The following ATP8B1 variants were observed in gnomAD, a reference collection of about 807,000 sequenced individuals.
The protein encoded by ATP8B1 is ATPase phospholipid transporting 8B1, also known as phospholipid-transporting ATPase IC.
ATP8B1 carries 80 observed loss-of-function variants against 149.9 expected under a neutral mutation model. That is an observed-to-expected ratio of 0.53 (90% CI 0.45 to 0.64). The LOEUF (loss-of-function observed/expected upper bound fraction) is 0.64, where lower values mean the gene tolerates loss of function less well. ATP8B1 is among the 30% of genes least tolerant of loss of function. The probability of loss-of-function intolerance (pLI) is 0.00; values close to 1 mark genes in which losing one functional copy is unlikely to be tolerated. For synonymous variants in ATP8B1, 536 were observed against 562.8 expected (o/e 0.95, Z 0.67); for missense variants, 1,247 against 1,552.6 (o/e 0.80, Z 3.31).
intron 15 of ATP8B1, among the ~76,000 whole-genome samples, chr18:57,682,562 G>A (rs1170035523): frequency 6.6e-6 from 1 of 152,182 alleles, no homozygotes; most frequent in Non-Finnish European, 1.5e-5. Flanking sequence ...AAACCAAAGA[G>A]AACCAGGTGA....
chr18:57,771,445 C>T (rs2080262187), intron 1 of ATP8B1, among the ~76,000 whole-genome samples: 1 of 151,780 alleles, frequency 6.6e-6, no homozygotes, highest in South Asian at 2.1e-4. Context: ...CACTTACTTC[C>T]TGATCCTTCA....
At chr18:57,655,148 T>G (rs779923799) in intron 23 of ATP8B1, 46 bp downstream of exon 23, 5 of 1,515,476 alleles carry the variant, frequency 3.3e-6, no homozygotes, top group Non-Finnish European at 3.7e-6. Flanking sequence ...TTTATTCATT[T>G]AAGAGCTCTA....
At chr18:57,758,648 CAAAAAAA>C (rs66725093) in intron 1 of ATP8B1, among the ~76,000 whole-genome samples, 1 of 105,274 alleles carries the variant, frequency 9.5e-6, no homozygotes, top group Non-Finnish European at 1.9e-5. Flanking sequence ...AACTCTGTCT[CAAAAAAA>C]AAAAAAAAAA....
At chr18:57,723,065 C>T (rs2079664150) in intron 2 of ATP8B1, among the ~76,000 whole-genome samples, 1 of 151,550 alleles carries the variant, frequency 6.6e-6, no homozygotes, top group Non-Finnish European at 1.5e-5. Flanking sequence ...ATGCTAAAAA[C>T]TCTCAGTAAA....
chr18:57,653,911 A>C, intron 24 of ATP8B1, 81 bp downstream of exon 24: 1 of 1,242,442 alleles, frequency 8.0e-7, no homozygotes, highest in Non-Finnish European at 1.2e-6. Context: ...CACCAGAAGA[A>C]TGCATTGAAA....
At chr18:57,659,187 G>C (rs1325833680) in intron 22 of ATP8B1, among the ~76,000 whole-genome samples, 1 of 152,110 alleles carries the variant, frequency 6.6e-6, no homozygotes, top group African/African-American at 2.4e-5. Context: ...GAGGTGGGAG[G>C]ATTGTTTGAG....
chr18:57,756,269 T>G (rs1337176995), intron 1 of ATP8B1, among the ~76,000 whole-genome samples: 1 of 69,686 alleles, frequency 1.4e-5, no homozygotes, highest in Non-Finnish European at 3.1e-5. Flanking sequence ...ATATATGAAA[T>G]ATTTACACAA....
At chr18:57,769,138 G>A (rs1224874378) in intron 1 of ATP8B1, among the ~76,000 whole-genome samples, 1 of 152,154 alleles carries the variant, frequency 6.6e-6, no homozygotes, top group Non-Finnish European at 1.5e-5. Context: ...GGCATATTAA[G>A]GGGAGGACCA....
At chr18:57,689,796 T>C (rs773432363) in intron 12 of ATP8B1, among the ~76,000 whole-genome samples, 4 of 152,106 alleles carry the variant, frequency 2.6e-5, no homozygotes, top group Non-Finnish European at 5.9e-5. Flanking sequence ...GGTGGGCGGA[T>C]CATGAGGTCA....
At chr18:57,793,837 C>T (rs778587743) in intron 1 of ATP8B1, among the ~76,000 whole-genome samples, 2 of 152,162 alleles carry the variant, frequency 1.3e-5, no homozygotes, top group Admixed American at 6.5e-5. Context: ...CCCATTCTCT[C>T]GGTCCCAGTG....
chr18:57,725,431 A>T (rs966294360), intron 2 of ATP8B1, among the ~76,000 whole-genome samples: 5 of 152,204 alleles, frequency 3.3e-5, no homozygotes, highest in African/African-American at 1.2e-4. Flanking sequence ...ATGGATTGGA[A>T]TATTGTTAAA....
At chr18:57,765,612 T>C (rs1260697252) in intron 1 of ATP8B1, among the ~76,000 whole-genome samples, 1 of 149,062 alleles carries the variant, frequency 6.7e-6, no homozygotes, top group Non-Finnish European at 1.5e-5. Flanking sequence ...GAGGTTGCAG[T>C]AAGCCAAGAT....
At chr18:57,794,655 C>T (rs2080493808) in intron 1 of ATP8B1, among the ~76,000 whole-genome samples, 2 of 151,812 alleles carry the variant, frequency 1.3e-5, no homozygotes, top group Non-Finnish European at 2.9e-5. Flanking sequence ...CATGGTGGTG[C>T]GTGCCTGTAA....
chr18:57,696,273 G>A (rs895331971), intron 8 of ATP8B1, among the ~76,000 whole-genome samples: 1 of 152,184 alleles, frequency 6.6e-6, no homozygotes, highest in Non-Finnish European at 1.5e-5. Context: ...AGAATAAACA[G>A]TCGGGCGCCG....
chr18:57,719,079 G>A (rs1321759888), intron 2 of ATP8B1, among the ~76,000 whole-genome samples: 1 of 152,180 alleles, frequency 6.6e-6, no homozygotes, highest in Non-Finnish European at 1.5e-5. Flanking sequence ...GTTTGCGGAT[G>A]ATATGATCTC....
Position 57,695,439 on chromosome 18 carries a change from T to G in ATP8B1, c.781+11A>C. 1 of 1,608,872 alleles carries G rather than the reference T, an allele frequency of 6.2e-7. No individual in the cohort carries two copies. Reference sequence around the variant, plus strand: ...AAATTTAAAGCAAAGTAAGACATGTTTGGTACAAACCATCAAATGTAGCCA... The same window carrying G: ...AAATTTAAAGCAAAGTAAGACATGTGTGGTACAAACCATCAAATGTAGCCA... On this transcript the variant is annotated intron_variant, in intron 9 of 27. Transcript: ENST00000648908.
At chr18:57,794,631 T>C (rs2571225) in intron 1 of ATP8B1, among the ~76,000 whole-genome samples, 52,840 of 151,624 alleles carry the variant, frequency 0.35, 9,546 homozygotes, top group East Asian at 0.45. Flanking sequence ...GATGATAGAA[T>C]GGCATATGAC....
chr18:57,743,260 G>A lies in ATP8B1; in HGVS notation c.-25-11428C>T, dbSNP rs184436249. Among the ~76,000 whole-genome samples, 383 of 152,146 alleles carry A rather than the reference G, an allele frequency of 2.5e-3. 10 individuals are homozygous for A. Among genetic ancestry groups the A allele is most frequent in the Admixed American group, 0.022 (339 of 15,274 alleles). ...CTGTGCTCTCTGTGGTACAGTGAAC[G>A]CATCGTAGATTCAGATTGGAATTCA... On this transcript the variant is annotated intron_variant, in intron 1 of 27. Transcript: ENST00000648908.
chr18:57,724,621 G>A (rs1385131919), intron 2 of ATP8B1, among the ~76,000 whole-genome samples: 26 of 149,440 alleles, frequency 1.7e-4, no homozygotes, highest in African/African-American at 5.6e-4. Context: ...GAGAGGATGT[G>A]GAGAAATAGG....
Sources: gnomAD v4.1 joint callset for allele counts (sites outside exome capture counted in the v4.1 genomes callset) on GRCh38, gnomAD v4.1.1 for gene constraint, MANE v1.5 for transcripts, NCBI Gene and HGNC (gene_info 2026-07-23, HGNC 2026-07-21) for gene names.